The following ANTXR1 variants were observed in gnomAD, a reference collection of about 807,000 sequenced individuals.
ANTXR1 encodes anthrax toxin receptor 1.
ANTXR1 carries 19 observed loss-of-function variants against 78.1 expected under a neutral mutation model. The ratio of observed to expected loss-of-function variants is 0.24; its 90% CI spans 0.17 to 0.36. ANTXR1 has a LOEUF of 0.36. Among genes scored for constraint, ANTXR1 ranks in the 10% least tolerant of loss-of-function variants. The pLI is 1.00. For missense variants in ANTXR1, 518 were observed against 718.6 expected (o/e 0.72, Z 3.19); for synonymous variants, 273 against 260.5 (o/e 1.05, Z -0.46).
At chr2:69,161,603 A>G (rs1673684301) in intron 13 of ANTXR1, among the ~76,000 whole-genome samples, 1 of 152,210 alleles carries the variant, frequency 6.6e-6, no homozygotes, top group African/African-American at 2.4e-5. Flanking sequence ...TTTATCCTCC[A>G]TCAACTAGCA....
intron 9 of ANTXR1, among the ~76,000 whole-genome samples, chr2:69,094,234 G>C (rs1192432138): frequency 1.3e-5 from 2 of 152,162 alleles, no homozygotes; most frequent in African/African-American, 4.8e-5. Flanking sequence ...AGTATAAATT[G>C]TTATGCAGAA....
chr2:69,025,561 C>G (rs1671315657), intron 1 of ANTXR1, among the ~76,000 whole-genome samples: 2 of 152,164 alleles, frequency 1.3e-5, no homozygotes, highest in African/African-American at 4.8e-5. Context: ...TACCATCGCT[C>G]TTGACGTTAA....
At chr2:69,088,700 T>C (rs1444028738) in intron 8 of ANTXR1, among the ~76,000 whole-genome samples, 2 of 152,192 alleles carry the variant, frequency 1.3e-5, no homozygotes, top group Non-Finnish European at 2.9e-5. Flanking sequence ...TGCACCAGGA[T>C]GCTAGCAAGT....
chr2:69,045,485 A>C (rs1669736572), intron 3 of ANTXR1, among the ~76,000 whole-genome samples: 1 of 152,104 alleles, frequency 6.6e-6, no homozygotes, highest in Non-Finnish European at 1.5e-5. Flanking sequence ...GAAATTGTAC[A>C]CTTTTTAAAT....
intron 17 of ANTXR1, among the ~76,000 whole-genome samples, chr2:69,234,603 T>C (rs1474652680): frequency 6.6e-6 from 1 of 151,978 alleles, no homozygotes; most frequent in Non-Finnish European, 1.5e-5. Context: ...AACCCATCTC[T>C]ACTAAAAATA....
At chr2:69,023,647 A>G (rs1671262705) in intron 1 of ANTXR1, among the ~76,000 whole-genome samples, 1 of 152,182 alleles carries the variant, frequency 6.6e-6, no homozygotes, top group Non-Finnish European at 1.5e-5. Flanking sequence ...AGGATAAGGA[A>G]TATATCAGTT....
intron 13 of ANTXR1, 107 bp from the exon 14 acceptor site, chr2:69,170,141 G>A: frequency 1.1e-5 from 14 of 1,258,056 alleles, no homozygotes; most frequent in South Asian, 1.1e-4. Context: ...TGGGGCCATT[G>A]CCATGGTAAT....
chr2:69,153,917 A>G (rs1286510408), intron 13 of ANTXR1, among the ~76,000 whole-genome samples: 1 of 152,194 alleles, frequency 6.6e-6, no homozygotes, highest in Non-Finnish European at 1.5e-5. Context: ...CCTCATTGGT[A>G]TAATGAGGAC....
intron 8 of ANTXR1, among the ~76,000 whole-genome samples, chr2:69,083,072 T>G (rs2104254784): frequency 6.6e-6 from 1 of 152,350 alleles, no homozygotes; most frequent in Admixed American, 6.5e-5. Flanking sequence ...GATCCTGTGC[T>G]GATTTGTCCC....
intron 10 of ANTXR1, among the ~76,000 whole-genome samples, chr2:69,111,775 G>A (rs1157610600): frequency 6.6e-6 from 1 of 152,194 alleles, no homozygotes; most frequent in African/African-American, 2.4e-5. Flanking sequence ...TCATTCGAAC[G>A]TAGACGTTCC....
At chr2:69,050,764 C>T (rs1258843494) in intron 3 of ANTXR1, among the ~76,000 whole-genome samples, 1 of 152,100 alleles carries the variant, frequency 6.6e-6, no homozygotes, top group Non-Finnish European at 1.5e-5. Flanking sequence ...TTTTAATTTT[C>T]AAAAGCTCTT....
chr2:69,236,976 CTTTT>C (rs905095757), intron 17 of ANTXR1, among the ~76,000 whole-genome samples: 3 of 152,106 alleles, frequency 2.0e-5, no homozygotes, highest in Non-Finnish European at 4.4e-5. Context: ...TTCTCCCTTC[CTTTT>C]TTTGTGTATT....
At position 69,037,263 on chromosome 2, in the gene ANTXR1, C is replaced by T. The variant is rs187732265; in HGVS notation, c.153-2781C>T. On this transcript the variant is annotated intron_variant, in intron 1 of 17. Coordinates refer to ENST00000303714, the MANE Select transcript of ANTXR1 (RefSeq NM_032208.3). ...TCCATGAGCAATAGAGGCTTTTCCT[C>T]TTCATGCTCTTCTTTCTTTCATTCA... Among the ~76,000 whole-genome samples the T allele has an allele frequency of 1.8e-3, 280 of 152,296 alleles. 3 individuals are homozygous for T. The highest frequency in any genetic ancestry group is 0.012 in the Admixed American group (184 of 15,302).
intron 4 of ANTXR1, 67 bp from the exon 5 acceptor site, chr2:69,071,687 T>C: frequency 6.7e-7 from 1 of 1,494,816 alleles, no homozygotes; most frequent in Non-Finnish European, 9.3e-7. Context: ...GAGCCCATTA[T>C]CCACTATGGT....
chr2:69,236,697 T>C (rs1429153067), intron 17 of ANTXR1, among the ~76,000 whole-genome samples: 2 of 152,258 alleles, frequency 1.3e-5, no homozygotes, highest in African/African-American at 4.8e-5. Context: ...AATAGTTTTA[T>C]CACAGCACTG....
intron 3 of ANTXR1, among the ~76,000 whole-genome samples, chr2:69,063,016 T>C (rs1410747475): frequency 6.6e-6 from 1 of 151,936 alleles, no homozygotes; most frequent in Non-Finnish European, 1.5e-5. Flanking sequence ...TAAAAACAAG[T>C]GAATAGAAAT....
intron 17 of ANTXR1, among the ~76,000 whole-genome samples, chr2:69,210,562 G>A (rs1039776823): frequency 4.6e-5 from 7 of 152,110 alleles, no homozygotes; most frequent in African/African-American, 1.7e-4. Context: ...TGCAGTCATC[G>A]GCAAATGTAC....
At chr2:69,095,205 CCTTTT>C (rs1671359964) in intron 9 of ANTXR1, among the ~76,000 whole-genome samples, 2 of 151,856 alleles carry the variant, frequency 1.3e-5, no homozygotes, top group Non-Finnish European at 2.9e-5. Context: ...TTTTTTCTTT[CCTTTT>C]CTTTCTTCTT....
chr2:69,096,317 G>GAAGGAAGGAAGGAAATCAAA (rs1671413854), intron 9 of ANTXR1, among the ~76,000 whole-genome samples: 1 of 6,632 alleles, frequency 1.5e-4, no homozygotes, highest in Non-Finnish European at 2.5e-4. Context: ...AGGAAGGGAG[G>GAAGGAAGGAAGGAAATCAAA]AAGGGAGGAA....
Sources: gnomAD v4.1 joint callset for allele counts (sites outside exome capture counted in the v4.1 genomes callset) on GRCh38, gnomAD v4.1.1 for gene constraint, MANE v1.5 for transcripts, NCBI Gene and HGNC (gene_info 2026-07-23, HGNC 2026-07-21) for gene names.